The following ZFPM2 variants were observed in gnomAD, a reference collection of about 807,000 sequenced individuals.
The protein encoded by ZFPM2 is zinc finger protein, FOG family member 2, also known as zinc finger protein ZFPM2.
ZFPM2 carries 20 observed loss-of-function variants against 98.6 expected under a neutral mutation model. The ratio of observed to expected loss-of-function variants is 0.20; its 90% confidence interval spans 0.14 to 0.29. The LOEUF is 0.29. ZFPM2 is among the 10% of genes least tolerant of loss of function. ZFPM2 has a pLI of 1.00. For synonymous variants in ZFPM2, 518 were observed against 502.7 expected, an observed-to-expected ratio of 1.03 and a Z score of -0.41; for missense variants, 1,310 against 1,388.6, an observed-to-expected ratio of 0.94 and a Z score of 0.90.
chr8:105,780,711 G>T (rs112007768), intron 5 of ZFPM2: 10,923 of 152,170 alleles, frequency 0.072, 1,356 homozygotes, highest in African/African-American at 0.25. Context: ...GTGAAACCCC[G>T]TCCCTACTAA....
At chr8:105,763,332 G>A (rs1414913960) in intron 5 of ZFPM2, among the ~76,000 whole-genome samples, 3 of 151,736 alleles carry the variant, frequency 2.0e-5, no homozygotes, top group Non-Finnish European at 4.4e-5. Context: ...CAGAATAACA[G>A]TCTGAAATCA....
chr8:105,771,169 CCTG>C (rs1812971823), intron 5 of ZFPM2, among the ~76,000 whole-genome samples: 1 of 152,032 alleles, frequency 6.6e-6, no homozygotes, highest in African/African-American at 2.4e-5. Context: ...CTTCCTGTAC[CCTG>C]ATTTTTTTTC....
chr8:105,572,033 C>CTTTTTTTTT (rs869198147), intron 4 of ZFPM2, among the ~76,000 whole-genome samples: 1 of 103,372 alleles, frequency 9.7e-6, no homozygotes. Context: ...GGGTAAATTT[C>CTTTTTTTTT]TTTTTTTTTT....
At chr8:105,346,499 T>G (rs1440103262) in intron 1 of ZFPM2, among the ~76,000 whole-genome samples, 1 of 152,218 alleles carries the variant, frequency 6.6e-6, no homozygotes, top group African/African-American at 2.4e-5. Context: ...ATTTATTTCC[T>G]TCATTCAGAA....
At chr8:105,428,816 A>G (rs1811962386) in intron 2 of ZFPM2, among the ~76,000 whole-genome samples, 1 of 152,210 alleles carries the variant, frequency 6.6e-6, no homozygotes, top group South Asian at 2.1e-4. Flanking sequence ...AAGGAAATGC[A>G]GTACAACAGA....
At chr8:105,728,267 C>A (rs553605169) in intron 5 of ZFPM2, among the ~76,000 whole-genome samples, 21 of 150,016 alleles carry the variant, frequency 1.4e-4, no homozygotes, top group Non-Finnish European at 2.4e-4. Context: ...TCCAGTGGTT[C>A]AAGATCCTTG....
intron 3 of ZFPM2, among the ~76,000 whole-genome samples, chr8:105,538,589 T>G (rs149400500): frequency 2.0e-5 from 3 of 152,298 alleles, no homozygotes; most frequent in African/African-American, 7.2e-5. Context: ...CTGTCACTGA[T>G]AGAAAGTTCA....
chr8:105,388,262 G>A (rs1276764755), intron 1 of ZFPM2, among the ~76,000 whole-genome samples: 1 of 151,920 alleles, frequency 6.6e-6, no homozygotes, highest in Non-Finnish European at 1.5e-5. Flanking sequence ...ATTTTCATGG[G>A]GGAACAACTC....
intron 1 of ZFPM2, among the ~76,000 whole-genome samples, chr8:105,386,581 G>A (rs1177808424): frequency 1.3e-5 from 2 of 152,120 alleles, no homozygotes; most frequent in African/African-American, 4.8e-5. Context: ...TTCGGTGAGT[G>A]TTACAGCTCA....
At chr8:105,468,151 G>T (rs1055763916) in intron 3 of ZFPM2, among the ~76,000 whole-genome samples, 1 of 151,410 alleles carries the variant, frequency 6.6e-6, no homozygotes, top group African/African-American at 2.4e-5. Flanking sequence ...TAGATATACC[G>T]TTCTCTTTAG....
Position 105,731,287 on chromosome 8 carries a change from C to T in ZFPM2, c.533-57431C>T, listed in dbSNP as rs1298949611. Among the ~76,000 whole-genome samples, 8 of 151,320 alleles carry T rather than the reference C, an allele frequency of 5.3e-5. No individual in the cohort carries two copies. The Admixed American group carries it at 5.3e-4, about 10-fold the overall frequency. ...TTTTTCCACTCCATGCCAAATCCTG[C>T]TTGGATTTCCTTGTACCATACTATA... On this transcript the variant is annotated intron_variant, in intron 5 of 7. Transcript: ENST00000407775.
chr8:105,703,134 C>T (rs1811177887), intron 5 of ZFPM2, among the ~76,000 whole-genome samples: 1 of 151,866 alleles, frequency 6.6e-6, no homozygotes, highest in Non-Finnish European at 1.5e-5. Context: ...TGGTAAGAAC[C>T]AATGAGAATG....
intron 2 of ZFPM2, among the ~76,000 whole-genome samples, chr8:105,424,634 C>G (rs1415113926): frequency 2.6e-5 from 4 of 152,164 alleles, no homozygotes; most frequent in Non-Finnish European, 5.9e-5. Context: ...GTTATTCAGA[C>G]TTGGATTTAA....
chr8:105,409,668 T>C (rs557409059), intron 1 of ZFPM2, among the ~76,000 whole-genome samples: 2 of 152,060 alleles, frequency 1.3e-5, no homozygotes, highest in East Asian at 3.9e-4. Context: ...ATATAATTTA[T>C]ACTATTACAA....
intron 3 of ZFPM2, among the ~76,000 whole-genome samples, chr8:105,523,558 A>G (rs1333570120): frequency 6.6e-6 from 1 of 152,202 alleles, no homozygotes; most frequent in Non-Finnish European, 1.5e-5. Context: ...TTAGACATCA[A>G]GAATCACAGC....
At chr8:105,556,639 A>G (rs1814997806) in intron 3 of ZFPM2, among the ~76,000 whole-genome samples, 1 of 150,534 alleles carries the variant, frequency 6.6e-6, no homozygotes, top group East Asian at 2.0e-4. Flanking sequence ...TGTGATTGCC[A>G]TCTCATCCAA....
chr8:105,352,793 A>C (rs1812673268), intron 1 of ZFPM2, among the ~76,000 whole-genome samples: 1 of 152,068 alleles, frequency 6.6e-6, no homozygotes, highest in African/African-American at 2.4e-5. Context: ...TTACTGAAAA[A>C]TGTTAACATT....
At chr8:105,552,251 A>G (rs1009740818) in intron 3 of ZFPM2, among the ~76,000 whole-genome samples, 1 of 152,126 alleles carries the variant, frequency 6.6e-6, no homozygotes, top group African/African-American at 2.4e-5. Flanking sequence ...GTGGCCCTCC[A>G]GCTGGTAGAC....
chr8:105,560,188 G>GAAAAA (rs10654480), intron 3 of ZFPM2, among the ~76,000 whole-genome samples: 2 of 142,838 alleles, frequency 1.4e-5, no homozygotes, highest in African/African-American at 5.2e-5. Flanking sequence ...AAAAAAAAAA[G>GAAAAA]AAAGAAAATA....
Sources: allele counts gnomAD v4.1 joint callset (sites outside exome capture counted in the v4.1 genomes callset), GRCh38; gene constraint gnomAD v4.1.1; transcripts MANE v1.5; gene names NCBI Gene and HGNC (gene_info 2026-07-23, HGNC 2026-07-21).